EYS: variants seen among roughly 807,000 people sequenced by gnomAD.
EYS encodes the protein EGF-like photoreceptor maintenance factor, also known as protein eyes shut homolog.
A neutral mutation model predicts 282.1 loss-of-function variants in EYS; 250 were observed. The observed-to-expected ratio is 0.89, with a 90% CI of 0.80 to 0.98. The LOEUF is 0.98. Ranked by LOEUF, EYS falls within the 50% of genes least tolerant of loss-of-function variation. EYS has a pLI of 0.00. For missense variants in EYS, 4,016 were observed against 3,709.0 expected (o/e 1.08, Z -2.15); for synonymous variants, 1,355 against 1,282.9 (o/e 1.06, Z -1.20).
chr6:64,804,490 TATCATAAA>T, intron 22 of EYS, among the ~76,000 whole-genome samples: 1 of 152,304 alleles, frequency 6.6e-6, no homozygotes, highest in South Asian at 2.1e-4. Flanking sequence ...CCAAACAAAC[TATCATAAA>T]TCCATAATTA....
At chr6:64,361,084 C>T (rs535425331) in intron 29 of EYS, among the ~76,000 whole-genome samples, 2 of 151,726 alleles carry the variant, frequency 1.3e-5, no homozygotes, top group East Asian at 3.9e-4. Context: ...AAAAAGTGAC[C>T]CTTCCTGGAA....
intron 1 of EYS, among the ~76,000 whole-genome samples, chr6:65,662,970 T>C (rs1768057182): frequency 1.3e-5 from 2 of 152,126 alleles, no homozygotes; most frequent in Non-Finnish European, 2.9e-5. Flanking sequence ...GTAATGATGA[T>C]CAGGCTAAGC....
intron 2 of EYS, among the ~76,000 whole-genome samples, 164 bp downstream of exon 2, chr6:65,639,614 T>G (rs1362575103): frequency 6.6e-6 from 1 of 152,072 alleles, no homozygotes; most frequent in Non-Finnish European, 1.5e-5. Context: ...TAGGAACCAT[T>G]TAGTAGAGCC....
intron 12 of EYS, among the ~76,000 whole-genome samples, chr6:65,126,891 A>G (rs1391841232): frequency 1.3e-5 from 2 of 152,256 alleles, no homozygotes; most frequent in African/African-American, 4.8e-5. Context: ...CTCAGCTAAC[A>G]GGTGACACCC....
chr6:65,447,332 G>GTATA (rs3049735), intron 5 of EYS, among the ~76,000 whole-genome samples: 3,641 of 140,210 alleles, frequency 0.026, 119 homozygotes, highest in African/African-American at 0.064. Flanking sequence ...ATATGTGTGT[G>GTATA]TATATATATA....
intron 22 of EYS, among the ~76,000 whole-genome samples, chr6:64,766,647 AAAATATATATATATAT>A (rs1323664681): frequency 1.3e-3 from 15 of 11,954 alleles, no homozygotes; most frequent in African/African-American, 2.5e-3. Context: ...AAAAAAAAAA[AAAATATATATATATAT>A]ATATATATAT....
chr6:64,657,762 A>G (rs1207924496), intron 22 of EYS, among the ~76,000 whole-genome samples: 1 of 152,148 alleles, frequency 6.6e-6, no homozygotes, highest in Non-Finnish European at 1.5e-5. Context: ...AGGTAACCCA[A>G]CCTTTCTCTC....
At position 64,590,524 on chromosome 6, in the gene EYS, CACTGAGCCTGTCAATGGTGGCAGA is replaced by C. The variant is rs1447628856; in HGVS notation, c.5319_5342del (p.Asn1773_Val1781delinsLys). ...TGGTGGTGACTTCTGAAAAATCAGGCACTGAGCCTGTCAATGGTGGCAGATTATTTTTGAAGTCATTTGCATGTG... is the reference window on the plus strand; with the variant it reads ...TGGTGGTGACTTCTGAAAAATCAGGCTTATTTTTGAAGTCATTTGCATGTG... On this transcript the variant is annotated inframe_deletion, in exon 26 of 43. Coordinates refer to ENST00000503581, the MANE Select transcript of EYS (RefSeq NM_001142800.2). 1.6e-5 allele frequency: 25 copies of C among 1,551,296 alleles called. No homozygotes were observed. Among genetic ancestry groups the C allele is most frequent in the Non-Finnish European group, 2.1e-5 (24 of 1,146,820 alleles).
intron 29 of EYS, among the ~76,000 whole-genome samples, chr6:64,342,493 T>G (rs927185168): frequency 6.6e-6 from 1 of 151,932 alleles, no homozygotes; most frequent in South Asian, 2.1e-4. Flanking sequence ...AGAAATAAAA[T>G]ACTTTACAAA....
At chr6:65,173,402 TAA>T (rs1197175247) in intron 12 of EYS, among the ~76,000 whole-genome samples, 2 of 150,420 alleles carry the variant, frequency 1.3e-5, no homozygotes, top group African/African-American at 4.9e-5. Flanking sequence ...GAATAAAATA[TAA>T]ATCAAAATAG....
chr6:65,293,254 A>C (rs1011714046), intron 12 of EYS, among the ~76,000 whole-genome samples: 1 of 125,692 alleles, frequency 8.0e-6, no homozygotes, highest in Non-Finnish European at 1.7e-5. Context: ...TGAGGGAAGA[A>C]TATTAACTAA....
intron 12 of EYS, among the ~76,000 whole-genome samples, chr6:65,284,524 T>C (rs1251774922): frequency 1.3e-5 from 2 of 152,126 alleles, no homozygotes; most frequent in Admixed American, 6.6e-5. Flanking sequence ...TAATGCTATA[T>C]AATGAGAACC....
rs186957045 is a variant in EYS, at chr6:65,059,825, C to T, written c.2024-2098G>A. Among the ~76,000 whole-genome samples, 3 of 152,082 alleles carry T rather than the reference C, an allele frequency of 2.0e-5. No homozygotes were observed. In the East Asian group the frequency reaches 5.8e-4, roughly 30 times the overall value. ...ACACTTTGTGGAGATTCCTACAGTC[C>T]TCAAGTTCCCAAAGACTGGAAGGAG... On this transcript the variant is annotated intron_variant, in intron 12 of 42. Transcript: ENST00000503581.
intron 26 of EYS, among the ~76,000 whole-genome samples, chr6:64,467,263 C>T (rs1417116689): frequency 6.6e-6 from 1 of 151,168 alleles, no homozygotes; most frequent in East Asian, 1.9e-4. Flanking sequence ...AAAAATTTTG[C>T]AGTCTGAAAA....
intron 37 of EYS, among the ~76,000 whole-genome samples, chr6:63,799,435 A>G (rs1770730988): frequency 6.6e-6 from 1 of 152,176 alleles, no homozygotes; most frequent in Admixed American, 6.5e-5. Context: ...TTTAGATCAG[A>G]TCCTAACTTC....
intron 13 of EYS, among the ~76,000 whole-genome samples, chr6:65,032,370 A>C (rs946929139): frequency 1.3e-4 from 20 of 152,184 alleles, no homozygotes; most frequent in African/African-American, 4.6e-4. Context: ...ATATTGAATG[A>C]AATCCTCCAT....
intron 31 of EYS, among the ~76,000 whole-genome samples, chr6:64,113,299 G>C (rs11962086): frequency 0.042 from 6,417 of 152,126 alleles, 401 homozygotes; most frequent in African/African-American, 0.14. Flanking sequence ...CTATAACATA[G>C]GCTTTGAACA....
intron 26 of EYS, among the ~76,000 whole-genome samples, chr6:64,578,839 G>A (rs1765972776): frequency 6.6e-6 from 1 of 151,988 alleles, no homozygotes; most frequent in Non-Finnish European, 1.5e-5. Flanking sequence ...TTACACTTAG[G>A]CGATAACACT....
At chr6:64,237,623 T>G (rs1018698061) in intron 30 of EYS, among the ~76,000 whole-genome samples, 3 of 152,192 alleles carry the variant, frequency 2.0e-5, no homozygotes, top group Non-Finnish European at 4.4e-5. Flanking sequence ...CTGTTTTAAC[T>G]TTCAAAATCA....
Sources: gnomAD v4.1 joint callset for allele counts (sites outside exome capture counted in the v4.1 genomes callset) on GRCh38, gnomAD v4.1.1 for gene constraint, MANE v1.5 for transcripts, NCBI Gene and HGNC (gene_info 2026-07-23, HGNC 2026-07-21) for gene names.